Variants in SPIDR observed in about 807,000 individuals in gnomAD.
The protein encoded by SPIDR is scaffold protein involved in DNA repair.
A neutral mutation model predicts 104.6 loss-of-function variants in SPIDR; 93 were observed. The observed-to-expected ratio is 0.89, with a 90% CI of 0.75 to 1.06. The LOEUF (loss-of-function observed/expected upper bound fraction) is 1.06, where lower values mean the gene tolerates loss of function less well. SPIDR is among the 50% of genes least tolerant of loss of function. The pLI is 0.00. For missense variants in SPIDR, 1,154 were observed against 1,111.2 expected (o/e 1.04, Z -0.55); for synonymous variants, 431 against 416.9 (o/e 1.03, Z -0.41).
At chr8:47,700,670 G>A (rs1220952581) in intron 12 of SPIDR, among the ~76,000 whole-genome samples, 180 bp downstream of exon 12, 1 of 152,204 alleles carries the variant, frequency 6.6e-6, no homozygotes, top group Non-Finnish European at 1.5e-5. Flanking sequence ...TGGGATTCAG[G>A]TGCCTGGAGA....
intron 8 of SPIDR, among the ~76,000 whole-genome samples, chr8:47,518,499 C>T (rs1212344287): frequency 6.6e-6 from 1 of 151,990 alleles, no homozygotes; most frequent in Non-Finnish European, 1.5e-5. Context: ...TTATGGTGGT[C>T]CCATTATGTG....
intron 5 of SPIDR, among the ~76,000 whole-genome samples, chr8:47,325,403 T>TA (rs540718759): frequency 3.5e-4 from 54 of 152,232 alleles, no homozygotes; most frequent in Middle Eastern, 3.4e-3. Flanking sequence ...TAAGTAATCG[T>TA]AAAAAATTCT....
intron 8 of SPIDR, among the ~76,000 whole-genome samples, chr8:47,457,587 C>T (rs1016385139): frequency 2.0e-5 from 3 of 152,072 alleles, no homozygotes; most frequent in Non-Finnish European, 2.9e-5. Flanking sequence ...CATGCAAAAG[C>T]TCTTTAGTTT....
intron 5 of SPIDR, chr8:47,360,905 T>C: frequency 3.0e-6 from 3 of 985,426 alleles, no homozygotes; most frequent in Non-Finnish European, 3.6e-6. Flanking sequence ...TTTGTGTTCA[T>C]GGTAGGATAA....
rs1001150994 is a variant in SPIDR, at chr8:47,313,785, C to G, written c.525+19755C>G. 7.2e-5 allele frequency among the ~76,000 whole-genome samples: 11 copies of G among 152,356 alleles called. 1 individual carries two copies. The highest frequency in any genetic ancestry group is 2.2e-4 in the African/African-American group (9 of 41,576). ...ATATCTACAACCATCTGATCTTTGA[C>G]AGACCTGACTTCTTATCAGAAATAA... On this transcript the variant is annotated intron_variant, in intron 5 of 19. Coordinates refer to ENST00000297423, the MANE Select transcript of SPIDR (RefSeq NM_001080394.4).
chr8:47,436,924 G>A lies in SPIDR; in HGVS notation c.878-3399G>A, dbSNP rs73565239. On this transcript the variant is annotated intron_variant, in intron 7 of 19. Coordinates refer to ENST00000297423, the MANE Select transcript of SPIDR (RefSeq NM_001080394.4). ...GTCCCTGACCTAGTGTCACAGCCAT[G>A]GGAGCGCCGCTCAGTATTGCTTCCA... is the stretch of plus-strand genomic sequence containing the variant. Among the ~76,000 whole-genome samples, 916 of 152,244 alleles carry A rather than the reference G, an allele frequency of 6.0e-3. 6 individuals are homozygous for A. Among genetic ancestry groups the A allele is most frequent in the African/African-American group, 0.021 (872 of 41,534 alleles).
intron 5 of SPIDR, among the ~76,000 whole-genome samples, chr8:47,311,974 G>GT (rs1484551623): frequency 1.3e-5 from 2 of 152,082 alleles, no homozygotes; most frequent in Non-Finnish European, 2.9e-5. Context: ...GCGGTGTTTG[G>GT]TTTTTTGTCC....
chr8:47,656,923 A>T (rs190138280), intron 10 of SPIDR, among the ~76,000 whole-genome samples: 2 of 152,352 alleles, frequency 1.3e-5, no homozygotes, highest in African/African-American at 4.8e-5. Context: ...GCCACATATC[A>T]TATGAGTCCA....
intron 10 of SPIDR, among the ~76,000 whole-genome samples, chr8:47,672,563 G>A (rs1349609211): frequency 2.6e-5 from 4 of 152,136 alleles, no homozygotes; most frequent in African/African-American, 9.7e-5. Context: ...TTCAATAAAT[G>A]TAGCTTTCCT....
At chr8:47,411,421 C>T (rs550734659) in intron 7 of SPIDR, among the ~76,000 whole-genome samples, 1 of 152,320 alleles carries the variant, frequency 6.6e-6, no homozygotes, top group South Asian at 2.1e-4. Context: ...TGATGGTGAG[C>T]ATTTTTTCAT....
At chr8:47,294,096 T>G (rs1412086701) in intron 5 of SPIDR, 66 bp downstream of exon 5, 1 of 1,534,294 alleles carries the variant, frequency 6.5e-7, no homozygotes, top group Non-Finnish European at 8.7e-7. Flanking sequence ...GTTGTCATTT[T>G]TTTTTTTGTT....
intron 1 of SPIDR, among the ~76,000 whole-genome samples, chr8:47,266,686 A>G (rs995153042): frequency 3.3e-5 from 5 of 152,344 alleles, no homozygotes; most frequent in East Asian, 1.9e-4. Flanking sequence ...GAAACTGACA[A>G]ACTTTTCCAA....
rs772027344 is a variant in SPIDR at position 47,724,102 on chromosome 8, C to A, written c.2342-3098C>A. ...CTGACATTTCATTTTCCTCATATCTCGCCATTTTCATGTAGCATTCCCTGT... is the reference window on the plus strand; with the variant it reads ...CTGACATTTCATTTTCCTCATATCTAGCCATTTTCATGTAGCATTCCCTGT... On this transcript the variant is annotated intron_variant, in intron 16 of 19. Coordinates refer to ENST00000297423, the MANE Select transcript of SPIDR (RefSeq NM_001080394.4). Among the ~76,000 whole-genome samples the A allele has an allele frequency of 1.1e-4, 16 of 152,134 alleles. 1 individual carries two copies. Among genetic ancestry groups the A allele is most frequent in the African/African-American group, 2.7e-4 (11 of 41,430 alleles).
rs145394358 is a variant in SPIDR at position 47,604,838 on chromosome 8, A to G, written c.1544+5642A>G. ...TCGAAGAAGAGATGTCCTGTGAGAA[A>G]GCTGGACGTACATACCTTACGCCCA... On this transcript the variant is annotated intron_variant, in intron 10 of 19. Coordinates refer to ENST00000297423, the MANE Select transcript of SPIDR (RefSeq NM_001080394.4). 2.8e-3 allele frequency among the ~76,000 whole-genome samples: 421 copies of G among 152,354 alleles called. 1 individual carries two copies. The highest frequency in any genetic ancestry group is 9.9e-3 in the African/African-American group (411 of 41,586).
At chr8:47,492,055 C>T (rs2078807015) in intron 8 of SPIDR, among the ~76,000 whole-genome samples, 1 of 151,334 alleles carries the variant, frequency 6.6e-6, no homozygotes, top group Non-Finnish European at 1.5e-5. Flanking sequence ...AGGTCTCTCA[C>T]TCCCCAACCT....
chr8:47,452,820 C>T (rs2072095729), intron 8 of SPIDR, among the ~76,000 whole-genome samples: 4 of 152,196 alleles, frequency 2.6e-5, no homozygotes, highest in African/African-American at 7.2e-5. Context: ...GATGCCCTCT[C>T]TCACCACTCC....
chr8:47,399,689 A>G (rs953176470), intron 6 of SPIDR, among the ~76,000 whole-genome samples: 1 of 152,172 alleles, frequency 6.6e-6, no homozygotes, highest in African/African-American at 2.4e-5. Context: ...GAGCACAAGG[A>G]TGGTCCAGGG....
chr8:47,489,071 T>G (rs577247972), intron 8 of SPIDR, among the ~76,000 whole-genome samples: 19 of 152,342 alleles, frequency 1.2e-4, no homozygotes, highest in African/African-American at 4.3e-4. Flanking sequence ...TGTCCCTGTT[T>G]GCAGATGACA....
chr8:47,448,694 G>A (rs770681867), intron 8 of SPIDR, among the ~76,000 whole-genome samples: 21 of 151,942 alleles, frequency 1.4e-4, no homozygotes, highest in Non-Finnish European at 2.1e-4. Flanking sequence ...GTGTGCTTGG[G>A]GAGACTACAG....
Sources: gnomAD v4.1 joint callset for allele counts (sites outside exome capture counted in the v4.1 genomes callset) on GRCh38, gnomAD v4.1.1 for gene constraint, MANE v1.5 for transcripts, NCBI Gene and HGNC (gene_info 2026-07-23, HGNC 2026-07-21) for gene names.